MYRFL: variants seen among roughly 807,000 people sequenced by gnomAD.
MYRFL encodes the protein myelin regulatory factor-like protein.
A neutral mutation model predicts 109.4 loss-of-function variants in MYRFL; 88 were observed. The ratio of observed to expected loss-of-function variants is 0.80; its 90% CI spans 0.68 to 0.96. MYRFL has a LOEUF of 0.96. Among genes scored for constraint, MYRFL ranks in the 40% least tolerant of loss-of-function variants. The pLI, the probability that MYRFL is intolerant of heterozygous loss-of-function variation, is 0.00. For synonymous variants in MYRFL, 324 were observed against 320.9 expected (o/e 1.01, Z -0.10); for missense variants, 957 against 954.9 (o/e 1.00, Z -0.03).
intron 19 of MYRFL, among the ~76,000 whole-genome samples, chr12:69,938,718 G>A (rs1168050829): frequency 2.6e-5 from 4 of 152,312 alleles, no homozygotes; most frequent in African/African-American, 9.6e-5. Flanking sequence ...AACAGCTCCG[G>A]TCTACAGCTC....
At chr12:69,893,067 A>G (rs1186057841) in intron 7 of MYRFL, among the ~76,000 whole-genome samples, 1 of 152,170 alleles carries the variant, frequency 6.6e-6, no homozygotes, top group Non-Finnish European at 1.5e-5. Flanking sequence ...GTGAACATCC[A>G]CCCACCTTTG....
intron 19 of MYRFL, among the ~76,000 whole-genome samples, chr12:69,938,399 C>T (rs986802845): frequency 1.3e-5 from 2 of 152,168 alleles, no homozygotes; most frequent in Admixed American, 6.5e-5. Flanking sequence ...GTCCACTCTT[C>T]ATTTTCAAGG....
chr12:69,924,216 G>A (rs1158321935), intron 13 of MYRFL, among the ~76,000 whole-genome samples: 1 of 145,738 alleles, frequency 6.9e-6, no homozygotes, highest in African/African-American at 2.5e-5. Flanking sequence ...AAAAAAAATC[G>A]TAAAATACCC....
At chr12:69,845,158 A>T (rs780325690) in intron 1 of MYRFL, among the ~76,000 whole-genome samples, 25 of 151,914 alleles carry the variant, frequency 1.6e-4, no homozygotes, top group South Asian at 6.3e-4. Flanking sequence ...TTTTCCTCAC[A>T]CTCTGAAAAT....
Position 69,936,104 on chromosome 12 carries a change from T to TTTAAA in MYRFL, c.1917-7_1917-6insAAATT. 2 of 1,425,460 alleles carry TTTAAA rather than the reference T, an allele frequency of 1.4e-6. No individual in the cohort carries two copies. The highest frequency in any genetic ancestry group is 1.9e-6 in the Non-Finnish European group (2 of 1,078,304). 88.3% of individuals were successfully genotyped at this position (1,425,460 alleles called of 1,614,324 possible). ...TTTTTTTTTTTTTTTTTTTTTTTTT[T>TTTAAA]TTTGACAGTGCTTTGACGATAGTTG... On this transcript the variant is annotated splice_polypyrimidine_tract_variant and intron_variant, in intron 16 of 24. Coordinates refer to ENST00000552032, the MANE Select transcript of MYRFL (RefSeq NM_182530.3).
At chr12:69,870,835 T>G (rs993914448) in intron 2 of MYRFL, among the ~76,000 whole-genome samples, 19 of 152,208 alleles carry the variant, frequency 1.2e-4, no homozygotes, top group Non-Finnish European at 2.2e-4. Flanking sequence ...CAACACATAT[T>G]CCTGTCACTC....
chr12:69,861,149 G>C (rs915405134), intron 2 of MYRFL, among the ~76,000 whole-genome samples: 4 of 150,864 alleles, frequency 2.7e-5, no homozygotes, highest in Non-Finnish European at 5.9e-5. Context: ...GTCTATCATT[G>C]TTGGACATTT....
intron 1 of MYRFL, among the ~76,000 whole-genome samples, chr12:69,838,538 A>ATT (rs1883076751): frequency 6.6e-6 from 1 of 152,172 alleles, no homozygotes; most frequent in Admixed American, 6.5e-5. Context: ...TCTTTCCCAA[A>ATT]TTTACCTTCT....
chr12:69,938,763 G>A (rs926379261), intron 19 of MYRFL, among the ~76,000 whole-genome samples: 23 of 152,326 alleles, frequency 1.5e-4, no homozygotes, highest in African/African-American at 5.5e-4. Flanking sequence ...GGTGATTTCT[G>A]CATTTCCCTC....
At position 69,833,354 on chromosome 12, in the gene MYRFL, A is replaced by C. The variant is rs1473525069; in HGVS notation, c.46+7791A>C. Among the ~76,000 whole-genome samples the C allele has an allele frequency of 2.6e-5, 4 of 152,182 alleles. No individual in the cohort carries two copies. In the East Asian group the frequency reaches 7.7e-4, roughly 29 times the overall value. ...AACGTTTCAAATGTTTCTGAAATAC[A>C]AGACAATTGCCTATAGAATCTGGGG... On this transcript the variant is annotated intron_variant, in intron 1 of 24. Transcript: ENST00000552032.
intron 11 of MYRFL, among the ~76,000 whole-genome samples, chr12:69,906,578 G>A (rs1007524551): frequency 5.9e-5 from 9 of 152,064 alleles, no homozygotes; most frequent in Admixed American, 1.3e-4. Flanking sequence ...AAAGGGAATC[G>A]TTAAGATGAA....
intron 1 of MYRFL, among the ~76,000 whole-genome samples, chr12:69,832,621 G>A (rs1286554585): frequency 6.6e-6 from 1 of 152,080 alleles, no homozygotes; most frequent in Non-Finnish European, 1.5e-5. Flanking sequence ...CATCTGTCTG[G>A]GAGAAGAACA....
intron 2 of MYRFL, among the ~76,000 whole-genome samples, chr12:69,856,115 TG>T (rs1884267732): frequency 1.3e-5 from 2 of 152,292 alleles, no homozygotes; most frequent in South Asian, 4.1e-4. Context: ...TGGTAACCAC[TG>T]GTCTGTTTTT....
intron 1 of MYRFL, among the ~76,000 whole-genome samples, chr12:69,851,986 G>A (rs1037786607): frequency 2.6e-5 from 4 of 152,152 alleles, no homozygotes; most frequent in South Asian, 4.1e-4. Context: ...TTAGACTATC[G>A]CTCTAGTCCT....
rs1350926339 is a variant in MYRFL, at chr12:69,903,744, C to T, written c.1283C>T (p.Thr428Ile). The T allele has an allele frequency of 6.5e-7, 1 of 1,535,882 alleles. No homozygotes were observed. The highest frequency in any genetic ancestry group is 8.7e-7 in the Non-Finnish European group (1 of 1,146,696). Residue 428 changes from threonine to isoleucine, a missense_variant, in exon 11 of 25, where the codon ACA (threonine) becomes ATA (isoleucine). Thr to Ile is a moderately conservative substitution (Grantham distance 89). Transcript: ENST00000552032. The part of the protein sequence containing the change: ...IVCHGRVGIN[T>I]DAPDEALVVC... ...TGTCACGGTCGAGTAGGAATCAACACAGATGCGCCGGACGAAGCCCTGGTT... is the reference window on the plus strand; with the variant it reads ...TGTCACGGTCGAGTAGGAATCAACATAGATGCGCCGGACGAAGCCCTGGTT...
At position 69,911,055 on chromosome 12, in the gene MYRFL, G is replaced by T. The variant is rs1267231140; in HGVS notation, c.1602+125G>T. ...GGACATTAAAATAATTCTTCACTGAGTTGTGGAGTGAGTAGGTATCAACTC... is the reference window on the plus strand; with the variant it reads ...GGACATTAAAATAATTCTTCACTGATTTGTGGAGTGAGTAGGTATCAACTC... On this transcript the variant is annotated intron_variant, in intron 13 of 24. Transcript: ENST00000552032. 3 of 560,402 alleles carry T rather than the reference G, an allele frequency of 5.4e-6. No homozygotes were observed. The Admixed American group carries it at 9.5e-5, about 18-fold the overall frequency. 34.7% of individuals were successfully genotyped at this position (560,402 alleles called of 1,614,324 possible).
At chr12:69,827,325 A>C (rs958896243) in intron 1 of MYRFL, among the ~76,000 whole-genome samples, 1 of 152,076 alleles carries the variant, frequency 6.6e-6, no homozygotes, top group Non-Finnish European at 1.5e-5. Context: ...TTGACTGTCA[A>C]AGCTCATGAT....
chr12:69,947,587 G>C (rs1332317092), intron 19 of MYRFL, among the ~76,000 whole-genome samples: 1 of 152,274 alleles, frequency 6.6e-6, no homozygotes, highest in Admixed American at 6.5e-5. Context: ...AGACAGGAGA[G>C]TTAGATATTA....
At chr12:69,877,047 G>A (rs1341626842) in intron 2 of MYRFL, among the ~76,000 whole-genome samples, 1 of 49,486 alleles carries the variant, frequency 2.0e-5, no homozygotes, top group Non-Finnish European at 4.9e-5. Context: ...TTTTTGAGAC[G>A]GAGTCTCGCT....
Sources: allele counts gnomAD v4.1 joint callset (sites outside exome capture counted in the v4.1 genomes callset), GRCh38; gene constraint gnomAD v4.1.1; transcripts MANE v1.5; gene names NCBI Gene and HGNC (gene_info 2026-07-23, HGNC 2026-07-21).